Variants in CUX2 observed in about 807,000 individuals in gnomAD.
The protein encoded by CUX2 is homeobox protein cut-like 2.
CUX2 carries 40 observed loss-of-function variants against 144.8 expected under a neutral mutation model. That is an observed-to-expected ratio of 0.28 (90% confidence interval 0.21 to 0.36). The LOEUF (loss-of-function observed/expected upper bound fraction) is 0.36, where lower values mean the gene tolerates loss of function less well. Among genes scored for constraint, CUX2 ranks in the 10% least tolerant of loss-of-function variants. The pLI is 1.00. For missense variants in CUX2, 1,615 were observed against 1,994.0 expected (o/e 0.81, Z 3.62); for synonymous variants, 827 against 875.6 (o/e 0.94, Z 0.98).
At chr12:111,296,621 C>A in intron 8 of CUX2, 82 bp downstream of exon 8, 1 of 1,322,138 alleles carries the variant, frequency 7.6e-7, no homozygotes, top group Non-Finnish European at 1.1e-6. Flanking sequence ...CCAGTACTTG[C>A]CTCCTCCCTC....
At chr12:111,328,729 A>G (rs1270578816) in intron 18 of CUX2, among the ~76,000 whole-genome samples, 1 of 151,836 alleles carries the variant, frequency 6.6e-6, no homozygotes, top group Non-Finnish European at 1.5e-5. Context: ...TCTCCGAAGT[A>G]GCTGGGATTA....
intron 1 of CUX2, among the ~76,000 whole-genome samples, chr12:111,098,637 T>G (rs1566218232): frequency 6.6e-6 from 1 of 152,186 alleles, no homozygotes; most frequent in Non-Finnish European, 1.5e-5. Context: ...GGTGACATGT[T>G]AACGGGGGAA....
chr12:111,137,521 AT>A (rs1046905427), intron 1 of CUX2, among the ~76,000 whole-genome samples: 3 of 151,062 alleles, frequency 2.0e-5, no homozygotes, highest in African/African-American at 4.9e-5. Context: ...ACTTATTTAA[AT>A]TTTTTTTTGA....
chr12:111,086,692 A>T (rs922020945), intron 1 of CUX2, among the ~76,000 whole-genome samples: 5 of 152,198 alleles, frequency 3.3e-5, no homozygotes, highest in African/African-American at 9.7e-5. Flanking sequence ...AGCATCTTGG[A>T]ACCTCAGTTT....
intron 1 of CUX2, among the ~76,000 whole-genome samples, chr12:111,130,640 C>CT (rs140421524): frequency 0.11 from 17,087 of 152,312 alleles, 3,231 homozygotes; most frequent in African/African-American, 0.39. Flanking sequence ...ATAATCATGT[C>CT]TCTGGTCCTT....
chr12:111,345,735 CAA>C (rs762939855), intron 21 of CUX2, among the ~76,000 whole-genome samples: 9 of 51,270 alleles, frequency 1.8e-4, no homozygotes, highest in Admixed American at 2.1e-4. Flanking sequence ...GACTCCGTCT[CAA>C]AAAAAAAAAA....
At chr12:111,297,068 C>T (rs569221643) in intron 8 of CUX2, among the ~76,000 whole-genome samples, 1 of 150,424 alleles carries the variant, frequency 6.6e-6, no homozygotes, top group African/African-American at 2.4e-5. Context: ...AGACAGGCCT[C>T]CTCTCTCTGA....
At chr12:111,177,401 A>AT (rs558467932) in intron 1 of CUX2, among the ~76,000 whole-genome samples, 12 of 150,814 alleles carry the variant, frequency 8.0e-5, no homozygotes, top group Admixed American at 2.6e-4. Flanking sequence ...GACAAGGATG[A>AT]TTTTTTTTTA....
At chr12:111,158,985 AG>A (rs1877569326) in intron 1 of CUX2, among the ~76,000 whole-genome samples, 1 of 152,190 alleles carries the variant, frequency 6.6e-6, no homozygotes, top group South Asian at 2.1e-4. Flanking sequence ...AGAGGGGCGC[AG>A]GAAATGGGAG....
chr12:111,065,020 G>A (rs769046485), intron 1 of CUX2, among the ~76,000 whole-genome samples: 5 of 152,162 alleles, frequency 3.3e-5, no homozygotes, highest in Admixed American at 2.6e-4. Context: ...AAGTTCTTGG[G>A]TGTGATCCTG....
At chr12:111,140,441 C>T (rs376579272) in intron 1 of CUX2, among the ~76,000 whole-genome samples, 20 of 152,154 alleles carry the variant, frequency 1.3e-4, no homozygotes, top group African/African-American at 4.8e-4. Context: ...TTGAGCACCC[C>T]CTCTTGATCT....
chr12:111,208,772 C>T (rs988923814), intron 1 of CUX2, among the ~76,000 whole-genome samples: 19 of 152,138 alleles, frequency 1.2e-4, no homozygotes, highest in African/African-American at 4.1e-4. Flanking sequence ...TCTCTTCCAC[C>T]CTTCTTCATT....
intron 18 of CUX2, among the ~76,000 whole-genome samples, chr12:111,323,015 G>A (rs565665261): frequency 6.6e-6 from 1 of 152,214 alleles, no homozygotes; most frequent in Non-Finnish European, 1.5e-5. Context: ...ATGATAGCAC[G>A]AGCAGGCTGG....
intron 16 of CUX2, among the ~76,000 whole-genome samples, chr12:111,317,854 G>A (rs1887275701): frequency 6.6e-6 from 1 of 152,066 alleles, no homozygotes; most frequent in Non-Finnish European, 1.5e-5. Flanking sequence ...AAAAAAATTA[G>A]CCAGGCCTGG....
chr12:111,296,323 C>T (rs1286521926), intron 7 of CUX2, 150 bp from the exon 8 acceptor site: 3 of 640,374 alleles, frequency 4.7e-6, no homozygotes, highest in Admixed American at 2.6e-5. Context: ...TCACCGTCAC[C>T]AGTTCTGACT....
chr12:111,146,931 C>T (rs566952104), intron 1 of CUX2, among the ~76,000 whole-genome samples: 1 of 152,196 alleles, frequency 6.6e-6, no homozygotes, highest in African/African-American at 2.4e-5. Context: ...GTCAGGAGTT[C>T]GAGACCAACC....
Position 111,074,018 on chromosome 12 carries a change from C to T in CUX2, c.63+39778C>T, listed in dbSNP as rs1871383807. 2.0e-5 allele frequency among the ~76,000 whole-genome samples: 3 copies of T among 150,424 alleles called. No individual in the cohort carries two copies. The South Asian group carries it at 6.3e-4, about 31-fold the overall frequency. ...ATTTTCAGTATAAGTATATCCCATG[C>T]AATGTTTGGGATATACTTATACTAA... On this transcript the variant is annotated intron_variant, in intron 1 of 21. Coordinates refer to ENST00000261726, the MANE Select transcript of CUX2 (RefSeq NM_015267.4).
intron 5 of CUX2, 95 bp downstream of exon 5, chr12:111,291,647 G>A (rs1885699604): frequency 1.1e-5 from 15 of 1,392,474 alleles, no homozygotes; most frequent in Non-Finnish European, 1.4e-5. Context: ...GGGTGGCTGG[G>A]GCAGGGAACT....
chr12:111,122,177 TA>T (rs1300465841), intron 1 of CUX2, among the ~76,000 whole-genome samples: 1 of 152,212 alleles, frequency 6.6e-6, no homozygotes, highest in African/African-American at 2.4e-5. Flanking sequence ...AACTTTAATT[TA>T]AAGAAATCTT....
Sources: gnomAD v4.1 joint callset for allele counts (sites outside exome capture counted in the v4.1 genomes callset) on GRCh38, gnomAD v4.1.1 for gene constraint, MANE v1.5 for transcripts, NCBI Gene and HGNC (gene_info 2026-07-23, HGNC 2026-07-21) for gene names.